Variants in PRORP observed in about 807,000 individuals in gnomAD.
PRORP encodes protein only RNase P catalytic subunit.
In PRORP, 51 loss-of-function variants were observed where a neutral mutation model predicts 59.4. That is an observed-to-expected ratio of 0.86 (90% CI 0.69 to 1.08). PRORP has a LOEUF of 1.08. PRORP is among the 50% of genes least tolerant of loss of function. The pLI is 0.00. For missense variants in PRORP, 646 were observed against 690.3 expected (o/e 0.94, Z 0.72); for synonymous variants, 231 against 245.6 (o/e 0.94, Z 0.55).
At chr14:35,179,907 G>A (rs1247486968) in intron 4 of PRORP, among the ~76,000 whole-genome samples, 3 of 152,184 alleles carry the variant, frequency 2.0e-5, no homozygotes, top group Non-Finnish European at 4.4e-5. Context: ...GACAGATGGG[G>A]TTTTGGTGTG....
intron 5 of PRORP, among the ~76,000 whole-genome samples, chr14:35,240,808 G>A (rs900515270): frequency 2.6e-5 from 4 of 152,168 alleles, no homozygotes; most frequent in Admixed American, 2.6e-4. Context: ...TATCCAATAT[G>A]GTAGCTACTA....
At chr14:35,127,709 T>C in intron 4 of PRORP, 98 bp downstream of exon 4, 1 of 1,307,686 alleles carries the variant, frequency 7.6e-7, no homozygotes, top group East Asian at 2.5e-5. Context: ...TTAGGCTTTG[T>C]AGGTCATCGG....
intron 5 of PRORP, among the ~76,000 whole-genome samples, chr14:35,257,644 C>T (rs2050793593): frequency 6.6e-6 from 1 of 152,126 alleles, no homozygotes; most frequent in South Asian, 2.1e-4. Flanking sequence ...TAAGTTCTTT[C>T]CTGGAGGTAT....
intron 5 of PRORP, among the ~76,000 whole-genome samples, chr14:35,217,249 C>T (rs565785891): frequency 6.6e-6 from 1 of 151,962 alleles, no homozygotes; most frequent in South Asian, 2.1e-4. Flanking sequence ...GCCTGTAATC[C>T]CAGCACTTTG....
chr14:35,177,494 T>G (rs1362528223), intron 4 of PRORP, among the ~76,000 whole-genome samples: 1 of 152,216 alleles, frequency 6.6e-6, no homozygotes, highest in African/African-American at 2.4e-5. Context: ...GTCCAGGAAT[T>G]TATCCATTTC....
In PRORP at chr14:35,184,416, C is replaced by T. The variant is rs146397237; in HGVS notation, c.1275+3639C>T. 4.4e-3 allele frequency among the ~76,000 whole-genome samples: 666 copies of T among 152,198 alleles called. 8 individuals carry two copies. The highest frequency in any genetic ancestry group is 0.016 in the African/African-American group (645 of 41,532). On this transcript the variant is annotated intron_variant, in intron 5 of 7. Coordinates refer to ENST00000534898, the MANE Select transcript of PRORP (RefSeq NM_014672.4). ...AGAGATTTATTGGTGACTGTCATTG[C>T]CTGGGTGTGTACAGAATTAGCTATA...
chr14:35,260,861 A>T (rs149859477), intron 5 of PRORP, among the ~76,000 whole-genome samples: 1 of 152,178 alleles, frequency 6.6e-6, no homozygotes, highest in South Asian at 2.1e-4. Context: ...AGTGCACTCA[A>T]TAAAGATCCT....
intron 5 of PRORP, among the ~76,000 whole-genome samples, chr14:35,214,868 C>T (rs182683088): frequency 3.3e-5 from 5 of 152,306 alleles, no homozygotes; most frequent in East Asian, 3.9e-4. Context: ...GATCGTGCCA[C>T]TGCACTCCAG....
intron 2 of PRORP, among the ~76,000 whole-genome samples, chr14:35,126,031 AAAT>A (rs764085619): frequency 2.1e-4 from 32 of 152,284 alleles, no homozygotes; most frequent in South Asian, 6.2e-4. Flanking sequence ...CAAAAGAAAA[AAAT>A]AATGCTGGAA....
At chr14:35,180,910 C>T in intron 5 of PRORP, 133 bp downstream of exon 5, 1 of 612,654 alleles carries the variant, frequency 1.6e-6, no homozygotes, top group Non-Finnish European at 2.9e-6. Context: ...GCCACAGTGA[C>T]CAACTGCATG....
rs2047063444 is a variant in PRORP at position 35,125,012 on chromosome 14, C to G, written c.986+781C>G. Reference sequence around the variant, plus strand: ...AGTAGCTGGGATTACAGGCATGCGCCACCATGCCCTGCTAATTTTCTATTT... The same window carrying G: ...AGTAGCTGGGATTACAGGCATGCGCGACCATGCCCTGCTAATTTTCTATTT... On this transcript the variant is annotated intron_variant, in intron 2 of 7. Transcript: ENST00000534898. 3.9e-5 allele frequency among the ~76,000 whole-genome samples: 6 copies of G among 151,950 alleles called. 1 individual carries two copies. The South Asian group carries it at 1.3e-3, about 32-fold the overall frequency.
intron 4 of PRORP, among the ~76,000 whole-genome samples, chr14:35,167,252 C>T (rs1198565425): frequency 6.6e-6 from 1 of 152,168 alleles, no homozygotes; most frequent in Admixed American, 6.5e-5. Context: ...GTAAAGTAAA[C>T]TTGCTTGAGA....
intron 5 of PRORP, among the ~76,000 whole-genome samples, chr14:35,201,387 A>C (rs894207884): frequency 6.6e-6 from 1 of 151,996 alleles, no homozygotes; most frequent in African/African-American, 2.4e-5. Context: ...ATTATTTGGA[A>C]TTCTCCCCAT....
chr14:35,206,168 G>C (rs934186824), intron 5 of PRORP, among the ~76,000 whole-genome samples: 1 of 152,194 alleles, frequency 6.6e-6, no homozygotes, highest in Non-Finnish European at 1.5e-5. Context: ...TGCACCAAAC[G>C]TGACTTGTGA....
intron 5 of PRORP, among the ~76,000 whole-genome samples, chr14:35,195,036 G>C (rs1294550063): frequency 6.6e-6 from 1 of 151,978 alleles, no homozygotes; most frequent in African/African-American, 2.4e-5. Flanking sequence ...ACTTATATTT[G>C]AACAGTGTTC....
intron 5 of PRORP, among the ~76,000 whole-genome samples, chr14:35,192,472 A>G (rs758376155): frequency 2.6e-5 from 4 of 152,168 alleles, no homozygotes; most frequent in Admixed American, 6.5e-5. Context: ...AAGTTCCTTC[A>G]TAGTAGTTTT....
At position 35,273,826 on chromosome 14, in the gene PRORP, TG is replaced by T. The variant is rs1183163460; in HGVS notation, c.*263del. 1.2e-5 allele frequency: 3 copies of T among 249,588 alleles called. No individual in the cohort carries two copies. The highest frequency in any genetic ancestry group is 6.8e-5 in the African/African-American group (3 of 44,386). 15.5% of individuals were successfully genotyped at this position (249,588 alleles called of 1,614,324 possible). A position where few individuals can be genotyped will look rare whatever the true frequency, so the allele number is the denominator to read the frequency against. On this transcript the variant is annotated 3_prime_UTR_variant, in exon 8 of 8. Coordinates refer to ENST00000534898, the MANE Select transcript of PRORP (RefSeq NM_014672.4). Reference sequence around the variant, plus strand: ...AGAGCAAAACCTGCATTTCTCCTACTGGGCCAGCTATTCCACTTAGCTTGGG... The same window carrying T: ...AGAGCAAAACCTGCATTTCTCCTACTGGCCAGCTATTCCACTTAGCTTGGG...
intron 5 of PRORP, among the ~76,000 whole-genome samples, chr14:35,182,699 T>C (rs58177251): frequency 0.058 from 8,844 of 152,306 alleles, 411 homozygotes; most frequent in African/African-American, 0.13. Flanking sequence ...ATTTTACTTA[T>C]ATTTATAGAT....
At chr14:35,154,520 G>T (rs1298753691) in intron 4 of PRORP, among the ~76,000 whole-genome samples, 1 of 152,108 alleles carries the variant, frequency 6.6e-6, no homozygotes. Context: ...TTTGGTATGT[G>T]AAAATATCAA....
Sources: allele counts gnomAD v4.1 joint callset (sites outside exome capture counted in the v4.1 genomes callset), GRCh38; gene constraint gnomAD v4.1.1; transcripts MANE v1.5; gene names NCBI Gene and HGNC (gene_info 2026-07-23, HGNC 2026-07-21).